Variants in CAMK1D observed in about 807,000 individuals in gnomAD.
CAMK1D encodes the protein calcium/calmodulin-dependent protein kinase type 1D.
A neutral mutation model predicts 47.7 loss-of-function variants in CAMK1D; 9 were observed. The observed-to-expected ratio is 0.19, with a 90% confidence interval of 0.11 to 0.33. CAMK1D has a LOEUF of 0.33. Among genes scored for constraint, CAMK1D ranks in the 10% least tolerant of loss-of-function variants. The pLI is 1.00. For missense variants in CAMK1D, 291 were observed against 488.7 expected, an observed-to-expected ratio of 0.60 and a Z score of 3.81; for synonymous variants, 184 against 184.9, an observed-to-expected ratio of 0.99 and a Z score of 0.04.
intron 1 of CAMK1D, among the ~76,000 whole-genome samples, chr10:12,361,802 C>G (rs975557588): frequency 4.0e-5 from 6 of 150,868 alleles, no homozygotes; most frequent in Non-Finnish European, 8.9e-5. Context: ...ATGACCCACC[C>G]GTCTTGGCCT....
At chr10:12,690,438 G>A (rs1363491756) in intron 3 of CAMK1D, among the ~76,000 whole-genome samples, 1 of 152,140 alleles carries the variant, frequency 6.6e-6, no homozygotes, top group African/African-American at 2.4e-5. Context: ...TATGCCTTAC[G>A]AGACCTGTCT....
chr10:12,696,577 C>T (rs568609827), intron 3 of CAMK1D, among the ~76,000 whole-genome samples: 4 of 152,234 alleles, frequency 2.6e-5, no homozygotes, highest in African/African-American at 9.6e-5. Context: ...TCCCAAGACT[C>T]GGAATGCTTT....
intron 3 of CAMK1D, among the ~76,000 whole-genome samples, chr10:12,726,783 C>T (rs1187836831): frequency 6.6e-6 from 1 of 152,238 alleles, no homozygotes; most frequent in Non-Finnish European, 1.5e-5. Flanking sequence ...GAGCCCACAA[C>T]CTTACCTACT....
In CAMK1D at chr10:12,520,503, C is replaced by T. The variant is rs1428382465; in HGVS notation, c.93-32722C>T. On this transcript the variant is annotated intron_variant, in intron 1 of 10. Coordinates refer to ENST00000619168, the MANE Select transcript of CAMK1D (RefSeq NM_153498.4). The stretch of plus-strand genomic sequence containing the variant: ...CAGACGATGGGCGGCCAGGCAGAGA[C>T]GCTCCTCACTTCCCAGACGGGGTGG... 1.2e-4 allele frequency among the ~76,000 whole-genome samples: 7 copies of T among 58,692 alleles called. 1 individual carries two copies. The South Asian group carries it at 3.9e-3, about 33-fold the overall frequency. 38.5% of individuals were successfully genotyped at this position (58,692 alleles called of 152,430 possible).
chr10:12,679,323 A>G (rs1404975287), intron 3 of CAMK1D, among the ~76,000 whole-genome samples: 8 of 152,238 alleles, frequency 5.3e-5, no homozygotes, highest in Non-Finnish European at 1.0e-4. Flanking sequence ...CATCAATTTC[A>G]GAAACTATCC....
At chr10:12,383,524 A>G (rs1838403146) in intron 1 of CAMK1D, among the ~76,000 whole-genome samples, 3 of 152,190 alleles carry the variant, frequency 2.0e-5, no homozygotes. Context: ...TTTATTAAAT[A>G]CGCCCATTTC....
Position 12,607,262 on chromosome 10 carries a change from G to T in CAMK1D, c.224+53906G>T, listed in dbSNP as rs1225138532. On this transcript the variant is annotated intron_variant, in intron 2 of 10. Transcript: ENST00000619168. ...TTTCTTCTTTCCTGCCTTTCCAACT[G>T]GGCTTTAAAGCCAAGTAGAAATTTA... 2.0e-5 allele frequency among the ~76,000 whole-genome samples: 3 copies of T among 152,084 alleles called. No individual in the cohort carries two copies. The South Asian group carries it at 6.2e-4, about 32-fold the overall frequency.
intron 10 of CAMK1D, 82 bp downstream of exon 10, chr10:12,825,772 G>A (rs1382540806): frequency 8.1e-6 from 13 of 1,597,990 alleles, no homozygotes; most frequent in African/African-American, 1.4e-5. Context: ...GGCATCTGCC[G>A]AGCACCTCCT....
chr10:12,479,502 T>C (rs953574353), intron 1 of CAMK1D, among the ~76,000 whole-genome samples: 3 of 152,118 alleles, frequency 2.0e-5, no homozygotes, highest in Non-Finnish European at 4.4e-5. Flanking sequence ...GCCGAGAAGC[T>C]GCATTTCTAA....
chr10:12,458,123 G>GCATT (rs796557162), intron 1 of CAMK1D, among the ~76,000 whole-genome samples: 1 of 152,186 alleles, frequency 6.6e-6, no homozygotes, highest in Non-Finnish European at 1.5e-5. Flanking sequence ...CAAAGTCAGT[G>GCATT]CATTCATTCA....
intron 3 of CAMK1D, among the ~76,000 whole-genome samples, chr10:12,749,551 T>TTTTGTTGTTG (rs1554820817): frequency 2.0e-5 from 2 of 99,032 alleles, no homozygotes; most frequent in East Asian, 3.3e-4. Context: ...TTGTTTGTTT[T>TTTTGTTGTTG]TTGTTTGTTT....
intron 1 of CAMK1D, among the ~76,000 whole-genome samples, chr10:12,361,178 A>G (rs1837647258): frequency 6.6e-6 from 1 of 151,818 alleles, no homozygotes; most frequent in Admixed American, 6.6e-5. Context: ...ATGGACAAAC[A>G]ATGTTGGCTT....
intron 1 of CAMK1D, among the ~76,000 whole-genome samples, chr10:12,406,961 G>A (rs1278323696): frequency 6.6e-6 from 1 of 151,986 alleles, no homozygotes; most frequent in Admixed American, 6.6e-5. Context: ...TCTTGATACC[G>A]CAGACTTGCT....
intron 1 of CAMK1D, among the ~76,000 whole-genome samples, chr10:12,398,996 ATT>A (rs112904065): frequency 0.011 from 1,736 of 152,220 alleles, 31 homozygotes; most frequent in African/African-American, 0.039. Flanking sequence ...TCTGTGTCAC[ATT>A]ATTTATTCTG....
rs569818123 is a variant in CAMK1D at position 12,471,151 on chromosome 10, C to T, written c.93-82074C>T. On this transcript the variant is annotated intron_variant, in intron 1 of 10. Coordinates refer to ENST00000619168, the MANE Select transcript of CAMK1D (RefSeq NM_153498.4). ...TCTGAAGCTTGAGGCTGAGTGGCCA[C>T]TACTGGTGACTGATTCCCCCACCCC... Among the ~76,000 whole-genome samples, 153 of 152,272 alleles carry T rather than the reference C, an allele frequency of 1.0e-3. 1 individual carries two copies. The highest frequency in any genetic ancestry group is 3.5e-3 in the African/African-American group (145 of 41,546).
intron 2 of CAMK1D, among the ~76,000 whole-genome samples, chr10:12,600,444 A>G (rs1351036333): frequency 6.6e-6 from 1 of 152,218 alleles, no homozygotes; most frequent in Non-Finnish European, 1.5e-5. Context: ...GTTTTAACAG[A>G]ATATAGAGGG....
intron 1 of CAMK1D, among the ~76,000 whole-genome samples, chr10:12,359,964 G>T (rs895407650): frequency 1.3e-5 from 2 of 152,212 alleles, no homozygotes; most frequent in Non-Finnish European, 2.9e-5. Context: ...GTCACAGGAT[G>T]TTAGTGTTAA....
At chr10:12,362,666 T>C (rs1837708372) in intron 1 of CAMK1D, among the ~76,000 whole-genome samples, 1 of 151,944 alleles carries the variant, frequency 6.6e-6, no homozygotes, top group African/African-American at 2.4e-5. Context: ...CCTGGCTAAT[T>C]TTTATTTTTT....
intron 3 of CAMK1D, among the ~76,000 whole-genome samples, chr10:12,759,258 G>A (rs1427548299): frequency 2.0e-5 from 3 of 152,174 alleles, no homozygotes; most frequent in African/African-American, 7.2e-5. Context: ...CTGATGTAGG[G>A]TGGGAGGATC....
Sources: gnomAD v4.1 joint callset for allele counts (sites outside exome capture counted in the v4.1 genomes callset) on GRCh38, gnomAD v4.1.1 for gene constraint, MANE v1.5 for transcripts, NCBI Gene and HGNC (gene_info 2026-07-23, HGNC 2026-07-21) for gene names.